Variants in ENTREP2 observed in about 807,000 individuals in gnomAD.
The protein encoded by ENTREP2 is protein ENTREP2.
At chr15:29,597,226 T>G in the ENTREP2 span, among the ~76,000 whole-genome samples, 2 of 152,202 alleles carry the variant, frequency 1.3e-5, no homozygotes, top group Non-Finnish European at 2.9e-5. Context: ...TACAGTATAT[T>G]GCTTTTTCAG....
chr15:29,659,924 G>A, the ENTREP2 span, among the ~76,000 whole-genome samples: 27 of 151,896 alleles, frequency 1.8e-4, no homozygotes, highest in African/African-American at 5.3e-4. Flanking sequence ...TCGGCCTCCC[G>A]AGTAGCTGGG....
the ENTREP2 span, chr15:29,267,828 T>C: frequency 6.6e-6 from 1 of 152,178 alleles, no homozygotes; most frequent in Non-Finnish European, 1.5e-5. Context: ...ACTAAAACCA[T>C]TTTACAGGTC....
chr15:29,228,690 G>A, the ENTREP2 span, among the ~76,000 whole-genome samples: 1 of 152,000 alleles, frequency 6.6e-6, no homozygotes, highest in Non-Finnish European at 1.5e-5. Flanking sequence ...TAATTTAGAA[G>A]CCCAATCAAA....
chr15:29,146,689 G>A, the ENTREP2 span, among the ~76,000 whole-genome samples: 2 of 152,182 alleles, frequency 1.3e-5, no homozygotes, highest in Non-Finnish European at 2.9e-5. Context: ...TGTAATCCCA[G>A]CACTTTGGGA....
At chr15:29,509,737 T>C in the ENTREP2 span, among the ~76,000 whole-genome samples, 1 of 152,238 alleles carries the variant, frequency 6.6e-6, no homozygotes, top group African/African-American at 2.4e-5. Context: ...CCTTACATCT[T>C]ATACAAAAAT....
chr15:29,640,011 T>A, the ENTREP2 span, among the ~76,000 whole-genome samples: 1 of 152,070 alleles, frequency 6.6e-6, no homozygotes, highest in Non-Finnish European at 1.5e-5. Context: ...TCAGGCAGTC[T>A]GCCCGCCTTG....
At chr15:29,525,784 G>T in the ENTREP2 span, among the ~76,000 whole-genome samples, 74 of 152,238 alleles carry the variant, frequency 4.9e-4, no homozygotes, top group African/African-American at 1.7e-3. Context: ...AATGAAACTG[G>T]TCTCTAACCT....
the ENTREP2 span, chr15:29,267,831 T>C: frequency 6.6e-6 from 1 of 152,204 alleles, no homozygotes; most frequent in Non-Finnish European, 1.5e-5. Flanking sequence ...AAAACCATTT[T>C]ACAGGTCAAG....
chr15:29,126,734 C>T, the ENTREP2 span, among the ~76,000 whole-genome samples: 3 of 152,214 alleles, frequency 2.0e-5, no homozygotes, highest in Non-Finnish European at 4.4e-5. Context: ...ACACAAGAGA[C>T]TAAAAGTCAG....
At chr15:29,160,473 A>G in the ENTREP2 span, among the ~76,000 whole-genome samples, 1 of 151,986 alleles carries the variant, frequency 6.6e-6, no homozygotes, top group African/African-American at 2.4e-5. Context: ...GCACTTTTGG[A>G]GGCTAAGGTC....
chr15:29,455,806 T>G, the ENTREP2 span, among the ~76,000 whole-genome samples: 9,995 of 152,238 alleles, frequency 0.066, 517 homozygotes, highest in East Asian at 0.26. Context: ...TTGCCTCCTG[T>G]CAGATCAGCA....
At chr15:29,459,850 T>C in the ENTREP2 span, among the ~76,000 whole-genome samples, 1 of 152,212 alleles carries the variant, frequency 6.6e-6, no homozygotes, top group Non-Finnish European at 1.5e-5. Context: ...TAGTTCCCTT[T>C]GTTACTACAA....
At chr15:29,234,442 A>G in the ENTREP2 span, 1 of 1,514,218 alleles carries the variant, frequency 6.6e-7, no homozygotes, top group South Asian at 1.1e-5. Context: ...CTCGACCTGC[A>G]TAATTCCCTG....
At chr15:29,257,043 ATTATTTATTTATTTATTTATTTAT>A in the ENTREP2 span, among the ~76,000 whole-genome samples, 2 of 141,210 alleles carry the variant, frequency 1.4e-5, no homozygotes, top group African/African-American at 5.5e-5. Flanking sequence ...TTATTTTTTT[ATTATTTATTTATTTATTTATTTAT>A]TTATTTATTT....
the ENTREP2 span, among the ~76,000 whole-genome samples, chr15:29,540,722 C>T: frequency 2.0e-5 from 3 of 152,374 alleles, no homozygotes; most frequent in African/African-American, 7.2e-5. Flanking sequence ...ATCCTATTCT[C>T]AAGCACTGAT....
the ENTREP2 span, chr15:29,120,491 G>A: frequency 1.3e-5 from 2 of 152,214 alleles, no homozygotes; most frequent in African/African-American, 4.8e-5. Context: ...CTCATCTCCA[G>A]CCAAGGGAGA....
At chr15:29,588,166 A>G in the ENTREP2 span, among the ~76,000 whole-genome samples, 2 of 152,180 alleles carry the variant, frequency 1.3e-5, no homozygotes, top group African/African-American at 4.8e-5. Flanking sequence ...ATGGGGATCA[A>G]GCCAGACTCC....
chr15:29,168,872 C>T, the ENTREP2 span, among the ~76,000 whole-genome samples: 1 of 152,194 alleles, frequency 6.6e-6, no homozygotes. Flanking sequence ...TTCAGAACTG[C>T]ACCCTATTTG....
the ENTREP2 span, among the ~76,000 whole-genome samples, chr15:29,393,536 G>C: frequency 6.6e-6 from 1 of 152,166 alleles, no homozygotes; most frequent in African/African-American, 2.4e-5. Flanking sequence ...TTATTTATTT[G>C]TTTGGGAGTA....
Sources: allele counts gnomAD v4.1 joint callset (sites outside exome capture counted in the v4.1 genomes callset), GRCh38; gene constraint gnomAD v4.1.1; transcripts MANE v1.5; gene names NCBI Gene and HGNC (gene_info 2026-07-23, HGNC 2026-07-21).